The following ECI2 variants were observed in gnomAD, a reference collection of about 807,000 sequenced individuals.
The protein encoded by ECI2 is D3,D2-enoyl-CoA isomerase.
Under a neutral mutation model 38.4 loss-of-function variants are expected in ECI2, and 27 were observed. The ratio of observed to expected loss-of-function variants is 0.70; its 90% CI spans 0.52 to 0.97. The LOEUF is 0.97. ECI2 is among the 50% of genes least tolerant of loss of function. The pLI, the probability that ECI2 is intolerant of heterozygous loss-of-function variation, is 0.00. For synonymous variants in ECI2, 168 were observed against 172.0 expected (o/e 0.98, Z 0.18); for missense variants, 470 against 474.4 (o/e 0.99, Z 0.09).
rs1243867443 is a variant in ECI2 at position 4,130,777 on chromosome 6, C to T, written c.302G>A (p.Ser101Asn). ...AACTAGTAAACTCACCTTGGGCAGG[C>T]TGCCAAGGGCATTCCATGCGTCCCA... ...AKWDAWNALG[S>N]LPKEAARQNY... Residue 101 changes from serine to asparagine, a missense_variant, in exon 3 of 10, where the codon AGC (serine) becomes AAC (asparagine). Ser to Asn is a conservative substitution (Grantham distance 46). Transcript: ENST00000380118. 4 of 1,613,902 alleles carry T rather than the reference C, an allele frequency of 2.5e-6. No homozygotes were observed. The highest frequency in any genetic ancestry group is 1.7e-5 in the Admixed American group (1 of 59,946).
At chr6:4,132,237 T>A (rs866764467) in intron 2 of ECI2, among the ~76,000 whole-genome samples, 1 of 152,092 alleles carries the variant, frequency 6.6e-6, no homozygotes, top group Admixed American at 6.5e-5. Context: ...TCCATTGTCC[T>A]TTCCCCATGG....
At chr6:4,133,746 A>G in intron 1 of ECI2, 35 bp from the exon 2 acceptor site, 1 of 1,559,546 alleles carries the variant, frequency 6.4e-7, no homozygotes, top group South Asian at 1.2e-5. Context: ...ATTTGTTCCC[A>G]ACCCTCACAT....
At chr6:4,130,276 T>A in intron 4 of ECI2, 96 bp downstream of exon 4, 1 of 1,613,386 alleles carries the variant, frequency 6.2e-7, no homozygotes, top group East Asian at 2.2e-5. Flanking sequence ...AGAGATATCT[T>A]AAAATAGGAA....
At chr6:4,124,148 A>G (rs997925583) in intron 7 of ECI2, among the ~76,000 whole-genome samples, 1 of 152,194 alleles carries the variant, frequency 6.6e-6, no homozygotes, top group Admixed American at 6.5e-5. Context: ...GTCATCTAAT[A>G]CACAGACTGT....
At chr6:4,120,218 G>A (rs1222981077) in intron 7 of ECI2, among the ~76,000 whole-genome samples, 1 of 152,048 alleles carries the variant, frequency 6.6e-6, no homozygotes, top group Non-Finnish European at 1.5e-5. Context: ...TTAACAATGG[G>A]GATATGTTCT....
chr6:4,124,085 A>G (rs1042426579), intron 7 of ECI2, among the ~76,000 whole-genome samples: 3 of 152,220 alleles, frequency 2.0e-5, no homozygotes, highest in African/African-American at 7.2e-5. Context: ...CCCCAATTTT[A>G]GGTCAGGAAC....
intron 4 of ECI2, among the ~76,000 whole-genome samples, chr6:4,129,313 C>T (rs1773382969): frequency 6.6e-6 from 1 of 152,128 alleles, no homozygotes; most frequent in Non-Finnish European, 1.5e-5. Flanking sequence ...GGAGTTTCAC[C>T]ATGTTGGCCA....
rs1773584202 is a variant in ECI2 at position 4,133,423 on chromosome 6, C to T, written c.213+126G>A. 5.4e-6 allele frequency: 6 copies of T among 1,111,832 alleles called. No individual in the cohort carries two copies. The Admixed American group carries it at 9.4e-5, about 17-fold the overall frequency. The allele number at this position is 1,111,832 out of a possible 1,614,324, so 68.9% of individuals were successfully genotyped here. On this transcript the variant is annotated intron_variant, in intron 2 of 9. Transcript: ENST00000380118. ...ATATATATATATACACACACACACTCTTCAGAGAAGAGGGAGCAAGACAAA... is the reference window on the plus strand; with the variant it reads ...ATATATATATATACACACACACACTTTTCAGAGAAGAGGGAGCAAGACAAA...
intron 9 of ECI2, 69 bp from the exon 10 acceptor site, chr6:4,116,098 C>G: frequency 6.5e-7 from 1 of 1,539,476 alleles, no homozygotes; most frequent in Non-Finnish European, 8.8e-7. Context: ...TGCCTGTAAT[C>G]CCAGCACTTG....
intron 1 of ECI2, chr6:4,135,063 C>T (rs1773663154): frequency 2.2e-6 from 1 of 457,036 alleles, no homozygotes; most frequent in Non-Finnish European, 4.4e-6. Flanking sequence ...CATACGTGTT[C>T]TCCAAGAAGC....
chr6:4,128,585 T>C (rs1417191418), intron 4 of ECI2, among the ~76,000 whole-genome samples: 1 of 152,178 alleles, frequency 6.6e-6, no homozygotes, highest in Non-Finnish European at 1.5e-5. Flanking sequence ...GCCCTCCGTA[T>C]CCACGGGTTC....
rs1772471307 is a variant in ECI2, at chr6:4,118,969, G to A, written c.885+217C>T. The A allele has an allele frequency of 1.2e-5, 5 of 416,326 alleles. No homozygotes were observed. In the South Asian group the frequency reaches 1.5e-4, roughly 13 times the overall value. The allele number at this position is 416,326 out of a possible 1,614,324, so 25.8% of individuals were successfully genotyped here. On this transcript the variant is annotated intron_variant, in intron 8 of 9. Coordinates refer to ENST00000380118, the MANE Select transcript of ECI2 (RefSeq NM_206836.3). ...AGCTGAAGAGGAGGATCCCAGTTCTGGGAACTGCAGAGAGAATTTCTAATT... is the reference window on the plus strand; with the variant it reads ...AGCTGAAGAGGAGGATCCCAGTTCTAGGAACTGCAGAGAGAATTTCTAATT...
Position 4,126,174 on chromosome 6 carries a change from C to G in ECI2, c.635G>C (p.Gly212Ala). ...LTNFTDIPPGGVEEKAKNNAV... is the reference protein window; with the variant it reads ...LTNFTDIPPGAVEEKAKNNAV... The stretch of plus-strand genomic sequence containing the variant: ...ATTATTTTTAGCTTTCTCCTCTACT[C>G]CACCAGGGGGAATATCAGTGAAGTT... The change falls in exon 6 of 10, where the codon GGA (glycine) becomes GCA (alanine). Residue 212 changes from glycine to alanine, a missense_variant. By Grantham distance (60) the Gly-to-Ala change is moderately conservative (BLOSUM62 0). Coordinates refer to ENST00000380118, the MANE Select transcript of ECI2 (RefSeq NM_206836.3). The G allele has an allele frequency of 6.2e-7, 1 of 1,613,982 alleles. No homozygotes were observed. Among genetic ancestry groups the G allele is most frequent in the Non-Finnish European group, 8.5e-7 (1 of 1,179,970 alleles).
At chr6:4,134,849 A>C (rs1198714493) in intron 1 of ECI2, among the ~76,000 whole-genome samples, 1 of 152,242 alleles carries the variant, frequency 6.6e-6, no homozygotes, top group Non-Finnish European at 1.5e-5. Context: ...ATAAAGCGTG[A>C]GTTTTAAAAA....
chr6:4,115,851 G>T lies in ECI2; in HGVS notation c.*23C>A, dbSNP rs766148652. The T allele has an allele frequency of 1.3e-6, 2 of 1,595,800 alleles. No individual in the cohort carries two copies. Among genetic ancestry groups the T allele is most frequent in the South Asian group, 2.3e-5 (2 of 86,928 alleles). ...TAACAGCACATCCTTCCTTGGACAT[G>T]CTTTACTCTGCTGTAGTGGTCATCA... On this transcript the variant is annotated 3_prime_UTR_variant, in exon 10 of 10. Transcript: ENST00000380118.
intron 2 of ECI2, among the ~76,000 whole-genome samples, chr6:4,132,206 G>A (rs1030969807): frequency 9.9e-5 from 15 of 152,150 alleles, no homozygotes; most frequent in Non-Finnish European, 7.3e-5. Context: ...TGGAGTCTGG[G>A]GCAGTAGCAA....
At chr6:4,130,160 T>C (rs373910878) in intron 4 of ECI2, 7 of 1,613,922 alleles carry the variant, frequency 4.3e-6, no homozygotes, top group Admixed American at 1.7e-5. Flanking sequence ...CAGTGCCTTC[T>C]GGGTATATCA....
intron 7 of ECI2, among the ~76,000 whole-genome samples, chr6:4,122,667 TG>T (rs1435116158): frequency 6.6e-6 from 1 of 152,110 alleles, no homozygotes; most frequent in Non-Finnish European, 1.5e-5. Context: ...GGCTAATTTT[TG>T]TATTTTTAGT....
At chr6:4,134,089 T>C (rs1490442015) in intron 1 of ECI2, among the ~76,000 whole-genome samples, 2 of 152,212 alleles carry the variant, frequency 1.3e-5, no homozygotes, top group Non-Finnish European at 2.9e-5. Context: ...TTTAGTGAAG[T>C]GTCCCAAAGT....
Sources: gnomAD v4.1 joint callset for allele counts (sites outside exome capture counted in the v4.1 genomes callset) on GRCh38, gnomAD v4.1.1 for gene constraint, MANE v1.5 for transcripts, NCBI Gene and HGNC (gene_info 2026-07-23, HGNC 2026-07-21) for gene names.